The following CSMD1 variants were observed in gnomAD, a reference collection of about 807,000 sequenced individuals.
The protein encoded by CSMD1 is CUB and sushi domain-containing protein 1.
CSMD1 carries 213 observed loss-of-function variants against 417.5 expected under a neutral mutation model. That is an observed-to-expected ratio of 0.51 (90% CI 0.46 to 0.57). CSMD1 has a LOEUF of 0.57. Among genes scored for constraint, CSMD1 ranks in the 20% least tolerant of loss-of-function variants. CSMD1 has a pLI of 0.00. For synonymous variants in CSMD1, 2,862 were observed against 1,736.8 expected, an observed-to-expected ratio of 1.65 and a Z score of -16.11; for missense variants, 6,923 against 4,529.7, an observed-to-expected ratio of 1.53 and a Z score of -15.17.
intron 5 of CSMD1, among the ~76,000 whole-genome samples, chr8:3,944,058 C>T (rs755822268): frequency 6.6e-6 from 1 of 152,060 alleles, no homozygotes. Flanking sequence ...TGTTTTTGCT[C>T]TCAACTATTT....
intron 3 of CSMD1, among the ~76,000 whole-genome samples, chr8:4,282,685 C>T (rs1281908825): frequency 6.6e-6 from 1 of 152,128 alleles, no homozygotes; most frequent in Non-Finnish European, 1.5e-5. Flanking sequence ...ACTGAGTTGG[C>T]TGTGACAGCA....
At chr8:3,072,105 C>T (rs1186053757) in intron 49 of CSMD1, among the ~76,000 whole-genome samples, 1 of 152,126 alleles carries the variant, frequency 6.6e-6, no homozygotes, top group African/African-American at 2.4e-5. Flanking sequence ...CAGAAAGGTT[C>T]AAGAGTAAGA....
In CSMD1 at chr8:3,890,620, C is replaced by T. The variant is rs573287222; in HGVS notation, c.818+107283G>A. On this transcript the variant is annotated intron_variant, in intron 5 of 69. Transcript: ENST00000635120. ...GAAATAAAGCACGTGGCATATTTTTCCGATTTCAGAGAAATGGAGCATATT... is the reference window on the plus strand; with the variant it reads ...GAAATAAAGCACGTGGCATATTTTTTCGATTTCAGAGAAATGGAGCATATT... Among the ~76,000 whole-genome samples, 10 of 152,120 alleles carry T rather than the reference C, an allele frequency of 6.6e-5. No homozygotes were observed. In the South Asian group the frequency reaches 2.1e-3, roughly 32 times the overall value.
At chr8:4,091,584 A>C (rs537344112) in intron 3 of CSMD1, among the ~76,000 whole-genome samples, 1 of 152,302 alleles carries the variant, frequency 6.6e-6, no homozygotes, top group South Asian at 2.1e-4. Context: ...TCAGTATTAT[A>C]ATTGTAGGAC....
chr8:4,451,884 C>A (rs1159650104), intron 2 of CSMD1, among the ~76,000 whole-genome samples: 1 of 151,264 alleles, frequency 6.6e-6, no homozygotes, highest in Non-Finnish European at 1.5e-5. Context: ...CATGTGTTCT[C>A]TTTTTTCTTC....
intron 5 of CSMD1, among the ~76,000 whole-genome samples, chr8:3,757,758 A>G (rs1302936478): frequency 6.6e-6 from 1 of 152,026 alleles, no homozygotes; most frequent in African/African-American, 2.4e-5. Context: ...CTGAGGCAAG[A>G]GAATTGCTTG....
At chr8:4,614,052 T>C (rs926147581) in intron 2 of CSMD1, among the ~76,000 whole-genome samples, 7 of 152,124 alleles carry the variant, frequency 4.6e-5, no homozygotes, top group Non-Finnish European at 8.8e-5. Context: ...AAAATTATGA[T>C]AAGCAATATA....
At chr8:4,415,111 G>A (rs1057478691) in intron 3 of CSMD1, among the ~76,000 whole-genome samples, 5 of 152,048 alleles carry the variant, frequency 3.3e-5, no homozygotes, top group African/African-American at 7.2e-5. Context: ...CTATTGCAAG[G>A]ATGAAATAAC....
At chr8:4,681,252 G>T (rs551539936) in intron 1 of CSMD1, among the ~76,000 whole-genome samples, 5 of 152,100 alleles carry the variant, frequency 3.3e-5, no homozygotes, top group South Asian at 2.1e-4. Flanking sequence ...ATATCGATAT[G>T]AATAAATCCA....
intron 8 of CSMD1, among the ~76,000 whole-genome samples, chr8:3,587,608 A>C (rs57502071): frequency 0.028 from 4,232 of 152,114 alleles, 174 homozygotes; most frequent in African/African-American, 0.096. Flanking sequence ...AGCATCCCCC[A>C]CGGCATCTAT....
At chr8:3,410,784 G>A (rs1233050003) in intron 12 of CSMD1, among the ~76,000 whole-genome samples, 1 of 152,088 alleles carries the variant, frequency 6.6e-6, no homozygotes, top group Non-Finnish European at 1.5e-5. Flanking sequence ...TGTTGTCCAG[G>A]CCGGAGTGCA....
chr8:3,331,203 A>G (rs1585010781), intron 23 of CSMD1, among the ~76,000 whole-genome samples: 2 of 148,726 alleles, frequency 1.3e-5, no homozygotes, highest in Middle Eastern at 3.2e-3. Flanking sequence ...GTGCCACTGC[A>G]CTCCAGCCTG....
At chr8:3,162,532 C>A (rs1161484142) in intron 37 of CSMD1, among the ~76,000 whole-genome samples, 1 of 152,204 alleles carries the variant, frequency 6.6e-6, no homozygotes, top group African/African-American at 2.4e-5. Context: ...AAATTTGTTA[C>A]TTCCACATTG....
intron 3 of CSMD1, among the ~76,000 whole-genome samples, chr8:4,256,024 G>A (rs760968696): frequency 5.3e-5 from 8 of 152,166 alleles, no homozygotes; most frequent in African/African-American, 9.7e-5. Context: ...ATACAGCATG[G>A]AAAGAACACC....
chr8:3,977,637 A>G (rs17068362), intron 5 of CSMD1, among the ~76,000 whole-genome samples: 4,701 of 152,282 alleles, frequency 0.031, 235 homozygotes, highest in African/African-American at 0.1. Flanking sequence ...GCCACTCTTG[A>G]GAGAAATCTG....
chr8:4,895,349 G>T lies in CSMD1; in HGVS notation c.85+98983C>A, dbSNP rs867569692. On this transcript the variant is annotated intron_variant, in intron 1 of 69. Transcript: ENST00000635120. The stretch of plus-strand genomic sequence containing the variant: ...CCAATATTTCAGTTTCTGGAGTAAT[G>T]TAAGTGTAACAGCATGTTTAGCTCA... Among the ~76,000 whole-genome samples the T allele has an allele frequency of 1.2e-4, 19 of 152,186 alleles. No homozygotes were observed. The Middle Eastern group carries it at 0.02, about 163-fold the overall frequency.
chr8:3,472,367 G>A (rs1269211419), intron 11 of CSMD1, among the ~76,000 whole-genome samples: 1 of 151,940 alleles, frequency 6.6e-6, no homozygotes, highest in African/African-American at 2.4e-5. Flanking sequence ...AATTCTTGGG[G>A]ACCTCTACTA....
chr8:4,010,961 G>A (rs906170505), intron 4 of CSMD1, among the ~76,000 whole-genome samples: 11 of 152,078 alleles, frequency 7.2e-5, no homozygotes, highest in Non-Finnish European at 1.2e-4. Context: ...CAGCAATCCC[G>A]CTTCACTTTC....
intron 3 of CSMD1, among the ~76,000 whole-genome samples, chr8:4,125,972 A>C (rs2130959146): frequency 6.6e-6 from 1 of 152,266 alleles, no homozygotes; most frequent in Middle Eastern, 3.4e-3. Flanking sequence ...GTAAAACCTA[A>C]GATCTAAGAT....
Sources: allele counts gnomAD v4.1 joint callset (sites outside exome capture counted in the v4.1 genomes callset), GRCh38; gene constraint gnomAD v4.1.1; transcripts MANE v1.5; gene names NCBI Gene and HGNC (gene_info 2026-07-23, HGNC 2026-07-21).